Variants in MC2R observed in about 807,000 individuals in gnomAD.
MC2R encodes adrenocorticotropic hormone receptor.
In MC2R, 9 loss-of-function variants were observed where a neutral mutation model predicts 9.8. That is an observed-to-expected ratio of 0.92 (90% CI 0.55 to 1.60). The LOEUF (loss-of-function observed/expected upper bound fraction) is 1.60. MC2R is among the 40% of genes most tolerant of loss of function. The pLI, the probability that MC2R is intolerant of heterozygous loss-of-function variation, is 0.00. For synonymous variants in MC2R, 185 were observed against 154.7 expected, an observed-to-expected ratio of 1.20 and a Z score of -1.45; for missense variants, 370 against 389.0, an observed-to-expected ratio of 0.95 and a Z score of 0.41.
intron 1 of MC2R, among the ~76,000 whole-genome samples, chr18:13,907,898 T>C (rs558076481): frequency 6.6e-6 from 1 of 152,218 alleles, no homozygotes; most frequent in East Asian, 1.9e-4. Context: ...GGTGAGGATG[T>C]GGAGAAAGAG....
At chr18:13,907,949 G>A (rs1248275408) in intron 1 of MC2R, among the ~76,000 whole-genome samples, 1 of 152,128 alleles carries the variant, frequency 6.6e-6, no homozygotes. Flanking sequence ...AACTACTATA[G>A]CCACTGTGGA....
chr18:13,899,906 T>A (rs2045368683), intron 1 of MC2R, among the ~76,000 whole-genome samples: 1 of 152,100 alleles, frequency 6.6e-6, no homozygotes, highest in Non-Finnish European at 1.5e-5. Context: ...CAATAAGTAA[T>A]CACCTGAAGG....
chr18:13,912,092 T>C (rs1335165547), intron 1 of MC2R, among the ~76,000 whole-genome samples: 1 of 152,236 alleles, frequency 6.6e-6, no homozygotes, highest in African/African-American at 2.4e-5. Context: ...TCAGCAATTT[T>C]ACTTAATACT....
Position 13,884,518 on chromosome 18 carries a change from T to G in MC2R, c.*107A>C. The G allele has an allele frequency of 3.2e-6, 4 of 1,231,138 alleles. No individual in the cohort carries two copies. The highest frequency in any genetic ancestry group is 3.5e-6 in the Non-Finnish European group (3 of 847,090). The allele number at this position is 1,231,138 out of a possible 1,614,324, so 76.3% of individuals were successfully genotyped here. On this transcript the variant is annotated 3_prime_UTR_variant, in exon 2 of 2. Coordinates refer to ENST00000327606, the MANE Select transcript of MC2R (RefSeq NM_000529.2). Reference sequence around the variant, plus strand: ...CTGGTGGGATCATCCTTGCATCCATTAGGGAAGGAAGGCCAGTGAGGAGCA... The same window carrying G: ...CTGGTGGGATCATCCTTGCATCCATGAGGGAAGGAAGGCCAGTGAGGAGCA...
intron 1 of MC2R, among the ~76,000 whole-genome samples, chr18:13,893,050 C>T (rs983936588): frequency 4.6e-5 from 7 of 152,218 alleles, no homozygotes; most frequent in Admixed American, 2.6e-4. Flanking sequence ...CATAACAGAT[C>T]TCAATCTTCA....
intron 1 of MC2R, among the ~76,000 whole-genome samples, chr18:13,912,789 G>C (rs2149144762): frequency 6.6e-6 from 1 of 152,306 alleles, no homozygotes; most frequent in Admixed American, 6.5e-5. Flanking sequence ...GCTTATCACT[G>C]TGAAGACTGG....
chr18:13,907,242 G>A (rs190732547), intron 1 of MC2R, among the ~76,000 whole-genome samples: 2 of 152,092 alleles, frequency 1.3e-5, no homozygotes, highest in African/African-American at 4.8e-5. Context: ...ACTCACCTTC[G>A]ACAAAGGTGC....
chr18:13,901,900 G>A (rs1376849966), intron 1 of MC2R, among the ~76,000 whole-genome samples: 1 of 152,016 alleles, frequency 6.6e-6, no homozygotes, highest in African/African-American at 2.4e-5. Flanking sequence ...GTATTACCCT[G>A]ACACCAAAAA....
chr18:13,883,115 T>A lies in MC2R; in HGVS notation c.*1510A>T, dbSNP rs1287325789. ...GTCTGTCCTGTGTGTGGCTGTCTTC[T>A]CCCCTCAGCAGCTCTGGGAAATTCT... On this transcript the variant is annotated 3_prime_UTR_variant, in exon 2 of 2. Coordinates refer to ENST00000327606, the MANE Select transcript of MC2R (RefSeq NM_000529.2). 6.6e-6 allele frequency: 1 copy of A among 152,212 alleles called. No individual in the cohort carries two copies. The highest frequency in any genetic ancestry group is 1.5e-5 in the Non-Finnish European group (1 of 68,084). 9.4% of individuals were successfully genotyped at this position (152,212 alleles called of 1,614,324 possible). A position where few individuals can be genotyped will look rare whatever the true frequency, so the allele number is the denominator to read the frequency against.
intron 1 of MC2R, among the ~76,000 whole-genome samples, chr18:13,902,362 C>A (rs2045385289): frequency 6.6e-6 from 1 of 152,174 alleles, no homozygotes; most frequent in East Asian, 1.9e-4. Context: ...TATGGAACCA[C>A]AAGAGACTCA....
chr18:13,887,725 G>T (rs757059209), intron 1 of MC2R, among the ~76,000 whole-genome samples: 1 of 152,194 alleles, frequency 6.6e-6, no homozygotes, highest in African/African-American at 2.4e-5. Context: ...CTGCCTGACT[G>T]CCTGATGGAG....
intron 1 of MC2R, among the ~76,000 whole-genome samples, chr18:13,896,419 G>A (rs1030613420): frequency 6.6e-6 from 1 of 152,188 alleles, no homozygotes; most frequent in Non-Finnish European, 1.5e-5. Flanking sequence ...TTGGGTAAAA[G>A]TTGGAGAAAG....
chr18:13,894,042 T>C (rs1374898746), intron 1 of MC2R, among the ~76,000 whole-genome samples: 1 of 152,220 alleles, frequency 6.6e-6, no homozygotes, highest in African/African-American at 2.4e-5. Context: ...GTCTCACCTC[T>C]GCTCACTCAT....
Position 13,885,618 on chromosome 18 carries a change from G to T in MC2R, c.-100C>A. 1 of 1,323,182 alleles carries T rather than the reference G, an allele frequency of 7.6e-7. No homozygotes were observed. The highest frequency in any genetic ancestry group is 1.1e-6 in the Non-Finnish European group (1 of 932,296). 82.0% of individuals were successfully genotyped at this position (1,323,182 alleles called of 1,614,324 possible). On this transcript the variant is annotated 5_prime_UTR_variant, in exon 2 of 2. Coordinates refer to ENST00000327606, the MANE Select transcript of MC2R (RefSeq NM_000529.2). Reference sequence around the variant, plus strand: ...TCTTTTCTTCCTTGTAGCACTTGCTGGAGATCTAAGTTAAAATCTCCCAAT... The same window carrying T: ...TCTTTTCTTCCTTGTAGCACTTGCTTGAGATCTAAGTTAAAATCTCCCAAT...
chr18:13,900,046 C>A lies in MC2R; in HGVS notation c.-128-14400G>T, dbSNP rs182230811. Among the ~76,000 whole-genome samples the A allele has an allele frequency of 1.1e-4, 17 of 152,152 alleles. No homozygotes were observed. In the East Asian group the frequency reaches 2.9e-3, roughly 26 times the overall value. ...AATCAATAAAATATAATAACTACAA[C>A]AAATTTTCAAGATATGGACAGTACA... On this transcript the variant is annotated intron_variant, in intron 1 of 1. Transcript: ENST00000327606.
At chr18:13,893,055 T>A (rs879664670) in intron 1 of MC2R, among the ~76,000 whole-genome samples, 2 of 152,192 alleles carry the variant, frequency 1.3e-5, no homozygotes, top group African/African-American at 4.8e-5. Context: ...CAGATCTCAA[T>A]CTTCAGTTCA....
chr18:13,902,188 A>G (rs1598466365), intron 1 of MC2R, among the ~76,000 whole-genome samples: 1 of 152,198 alleles, frequency 6.6e-6, no homozygotes, highest in Non-Finnish European at 1.5e-5. Flanking sequence ...AGCGTTTGGT[A>G]AAATCCAACA....
intron 1 of MC2R, among the ~76,000 whole-genome samples, chr18:13,909,124 G>A (rs1317152218): frequency 6.6e-6 from 1 of 152,124 alleles, no homozygotes; most frequent in African/African-American, 2.4e-5. Flanking sequence ...TCTCTTGGTT[G>A]TGACATTTTC....
intron 1 of MC2R, among the ~76,000 whole-genome samples, chr18:13,912,143 T>A (rs1342805228): frequency 6.6e-6 from 1 of 152,196 alleles, no homozygotes; most frequent in African/African-American, 2.4e-5. Flanking sequence ...CCTCAGCACA[T>A]CCTTACAATT....
Sources: allele counts gnomAD v4.1 joint callset (sites outside exome capture counted in the v4.1 genomes callset), GRCh38; gene constraint gnomAD v4.1.1; transcripts MANE v1.5; gene names NCBI Gene and HGNC (gene_info 2026-07-23, HGNC 2026-07-21).